The following TFAP2D variants were observed in gnomAD, a reference collection of about 807,000 sequenced individuals.
TFAP2D encodes transcription factor AP-2 delta.
Under a neutral mutation model 43.6 loss-of-function variants are expected in TFAP2D, and 9 were observed. That is an observed-to-expected ratio of 0.21 (90% confidence interval 0.12 to 0.36). The LOEUF (loss-of-function observed/expected upper bound fraction) is 0.36. TFAP2D is among the 10% of genes least tolerant of loss of function. TFAP2D has a pLI of 1.00. For synonymous variants in TFAP2D, 256 were observed against 224.9 expected (o/e 1.14, Z -1.24); for missense variants, 513 against 561.4 (o/e 0.91, Z 0.87).
chr6:50,723,892 G>A (rs1313882625), intron 3 of TFAP2D, among the ~76,000 whole-genome samples: 2 of 151,964 alleles, frequency 1.3e-5, no homozygotes, highest in Non-Finnish European at 2.9e-5. Context: ...TTAAACCAGC[G>A]AGTCTCTTCA....
chr6:50,754,332 C>CTG (rs147223872), intron 7 of TFAP2D, among the ~76,000 whole-genome samples: 2,360 of 151,482 alleles, frequency 0.016, 57 homozygotes, highest in African/African-American at 0.051. Context: ...CACAATATTT[C>CTG]TGTGTGTGTG....
chr6:50,743,908 T>C (rs189431148), intron 5 of TFAP2D, among the ~76,000 whole-genome samples: 40 of 152,352 alleles, frequency 2.6e-4, no homozygotes, highest in African/African-American at 8.9e-4. Flanking sequence ...GCTACTATTA[T>C]TGTTATGACT....
In TFAP2D at chr6:50,715,571, G is replaced by A. The variant is rs749467367; in HGVS notation, c.495G>A (p.Gly165=). The change falls in exon 2 of 8, where the codon GGG becomes GGA. Residue 165 remains glycine, a synonymous_variant. Transcript: ENST00000008391. ...GMHPDQRLLP[G]PSLGLAAAGA... is the part of the protein sequence containing the mutation. The stretch of plus-strand genomic sequence containing the variant: ...ACCCAGATCAAAGACTCCTGCCAGG[G>A]CCCAGCCTGGGGCTGGCCGCCGCGG... 1 of 1,606,164 alleles carries A rather than the reference G, an allele frequency of 6.2e-7. No individual in the cohort carries two copies. Among genetic ancestry groups the A allele is most frequent in the South Asian group, 1.1e-5 (1 of 91,024 alleles).
chr6:50,738,424 C>G (rs1331315091), intron 5 of TFAP2D, among the ~76,000 whole-genome samples: 2 of 151,834 alleles, frequency 1.3e-5, no homozygotes, highest in Non-Finnish European at 2.9e-5. Context: ...TATTTCATGG[C>G]TTTTAGTTTT....
Position 50,772,992 on chromosome 6 carries a change from C to CA in TFAP2D, c.*133dup. 1.6e-6 allele frequency: 1 copy of CA among 624,506 alleles called. No individual in the cohort carries two copies. Among genetic ancestry groups the CA allele is most frequent in the Non-Finnish European group, 2.2e-6 (1 of 447,268 alleles). The allele number at this position is 624,506 out of a possible 1,614,324, so 38.7% of individuals were successfully genotyped here. A position where few individuals can be genotyped will look rare whatever the true frequency, so the allele number is the denominator to read the frequency against. On this transcript the variant is annotated 3_prime_UTR_variant, in exon 8 of 8. Transcript: ENST00000008391. ...CCTTCCCCAACCCTCCATAAAAAAA[C>CA]AAAAATGGAAATGAAAAATGAAACA... is the stretch of plus-strand genomic sequence containing the variant.
intron 6 of TFAP2D, among the ~76,000 whole-genome samples, chr6:50,750,751 T>C (rs910507092): frequency 6.6e-6 from 1 of 152,038 alleles, no homozygotes; most frequent in Non-Finnish European, 1.5e-5. Flanking sequence ...CTCATAAGAA[T>C]ATGAACTCTA....
At chr6:50,734,298 T>C (rs1768933533) in intron 5 of TFAP2D, among the ~76,000 whole-genome samples, 1 of 152,036 alleles carries the variant, frequency 6.6e-6, no homozygotes, top group Non-Finnish European at 1.5e-5. Context: ...ATTTTTGAAG[T>C]AGGGCCTGAC....
chr6:50,733,094 A>G, intron 5 of TFAP2D, among the ~76,000 whole-genome samples: 1 of 152,096 alleles, frequency 6.6e-6, no homozygotes, highest in East Asian at 1.9e-4. Flanking sequence ...CTTTAGACTA[A>G]CTGAATGTTT....
chr6:50,730,143 C>A (rs1233917626), intron 5 of TFAP2D, among the ~76,000 whole-genome samples: 1 of 152,110 alleles, frequency 6.6e-6, no homozygotes, highest in Non-Finnish European at 1.5e-5. Context: ...CTTCATACAT[C>A]CATTATTTGT....
chr6:50,715,674 C>G lies in TFAP2D; in HGVS notation c.537+61C>G, dbSNP rs565139485. The G allele has an allele frequency of 9.9e-6, 15 of 1,519,026 alleles. No homozygotes were observed. The East Asian group carries it at 2.3e-4, about 23-fold the overall frequency. The allele number at this position is 1,519,026 out of a possible 1,614,324, so 94.1% of individuals were successfully genotyped here. On this transcript the variant is annotated intron_variant, in intron 2 of 7. Transcript: ENST00000008391. ...CCCTCTTCGCCCTCCCCCTGCCGCC[C>G]CATTAATGCTCCGACTGTAAAGCGT...
intron 7 of TFAP2D, among the ~76,000 whole-genome samples, chr6:50,757,269 C>A (rs1769278302): frequency 6.9e-6 from 1 of 144,700 alleles, no homozygotes; most frequent in Non-Finnish European, 1.5e-5. Flanking sequence ...TCTATATATA[C>A]AGAATATGTA....
intron 3 of TFAP2D, among the ~76,000 whole-genome samples, chr6:50,721,645 G>T (rs1250778752): frequency 1.3e-5 from 2 of 152,130 alleles, no homozygotes; most frequent in Non-Finnish European, 2.9e-5. Flanking sequence ...AAATCAGGAA[G>T]ACATTAACTC....
At chr6:50,737,401 G>T (rs1323053069) in intron 5 of TFAP2D, among the ~76,000 whole-genome samples, 4 of 152,104 alleles carry the variant, frequency 2.6e-5, no homozygotes, top group African/African-American at 9.7e-5. Context: ...ATAAACATTT[G>T]AGTTCAGAAT....
chr6:50,726,649 T>A (rs1394690565), intron 3 of TFAP2D, among the ~76,000 whole-genome samples: 1 of 152,200 alleles, frequency 6.6e-6, no homozygotes, highest in Admixed American at 6.5e-5. Context: ...ATAATCAGGA[T>A]CAAAATTCTC....
intron 7 of TFAP2D, among the ~76,000 whole-genome samples, chr6:50,752,775 G>A (rs1386943047): frequency 6.6e-6 from 1 of 151,770 alleles, no homozygotes; most frequent in African/African-American, 2.4e-5. Flanking sequence ...AAAACTGGGG[G>A]AAAATAAAAA....
intron 5 of TFAP2D, among the ~76,000 whole-genome samples, chr6:50,730,015 A>G (rs1768862666): frequency 6.6e-6 from 1 of 151,282 alleles, no homozygotes; most frequent in Non-Finnish European, 1.5e-5. Flanking sequence ...TTTTTTTAAC[A>G]TTGTGGGGAA....
intron 7 of TFAP2D, among the ~76,000 whole-genome samples, chr6:50,755,277 C>A (rs1769248277): frequency 6.6e-6 from 1 of 151,856 alleles, no homozygotes; most frequent in African/African-American, 2.4e-5. Context: ...TGTGTAATTT[C>A]TTTACTGCAC....
intron 7 of TFAP2D, among the ~76,000 whole-genome samples, chr6:50,760,782 C>T (rs1769351744): frequency 6.6e-6 from 1 of 151,864 alleles, no homozygotes; most frequent in Admixed American, 6.6e-5. Flanking sequence ...CTCTCCATGG[C>T]CTACATTTAG....
In TFAP2D at chr6:50,725,906, C is replaced by T. The variant is rs188577497; in HGVS notation, c.599-2950C>T. Among the ~76,000 whole-genome samples the T allele has an allele frequency of 3.1e-4, 47 of 152,248 alleles. 1 individual carries two copies. Among genetic ancestry groups the T allele is most frequent in the Admixed American group, 3.1e-3 (47 of 15,284 alleles). On this transcript the variant is annotated intron_variant, in intron 3 of 7. Transcript: ENST00000008391. ...GAGTTCCCCAAGGTTGCAGCAATGC[C>T]AGGTATCAAAGCAACAGAAATTCCC...
Sources: gnomAD v4.1 joint callset for allele counts (sites outside exome capture counted in the v4.1 genomes callset) on GRCh38, gnomAD v4.1.1 for gene constraint, MANE v1.5 for transcripts, NCBI Gene and HGNC (gene_info 2026-07-23, HGNC 2026-07-21) for gene names.